BEND6: variants seen among roughly 807,000 people sequenced by gnomAD.
BEND6 encodes BEN domain-containing protein 6.
In BEND6, 24 loss-of-function variants were observed where a neutral mutation model predicts 31.8. The ratio of observed to expected loss-of-function variants is 0.75; its 90% CI spans 0.55 to 1.06. The LOEUF (loss-of-function observed/expected upper bound fraction) is 1.06. BEND6 is among the 50% of genes least tolerant of loss of function. BEND6 has a pLI of 0.00. For missense variants in BEND6, 294 were observed against 327.4 expected (o/e 0.90, Z 0.79); for synonymous variants, 109 against 114.6 (o/e 0.95, Z 0.31).
intron 3 of BEND6, among the ~76,000 whole-genome samples, chr6:57,003,859 A>G (rs1247258476): frequency 6.6e-6 from 1 of 152,374 alleles, no homozygotes; most frequent in Middle Eastern, 3.4e-3. Flanking sequence ...ATTCCTGAAT[A>G]TAAGGTTGGT....
intron 6 of BEND6, among the ~76,000 whole-genome samples, chr6:57,024,368 C>T (rs1425595852): frequency 6.6e-6 from 1 of 152,180 alleles, no homozygotes; most frequent in Non-Finnish European, 1.5e-5. Flanking sequence ...GACTAAAGAG[C>T]TCTCTTTAGA....
chr6:56,997,766 A>T (rs1219479125), intron 3 of BEND6, among the ~76,000 whole-genome samples: 1 of 152,044 alleles, frequency 6.6e-6, no homozygotes, highest in Admixed American at 6.6e-5. Context: ...ATTAGCCAGG[A>T]TGGTCTTGAT....
intron 6 of BEND6, among the ~76,000 whole-genome samples, chr6:57,023,816 T>C (rs562864272): frequency 1.6e-4 from 25 of 152,324 alleles, no homozygotes; most frequent in African/African-American, 5.8e-4. Context: ...GTGTTATTAT[T>C]GATCAGGACT....
At chr6:57,020,614 G>A (rs532400297) in intron 6 of BEND6, among the ~76,000 whole-genome samples, 10 of 151,988 alleles carry the variant, frequency 6.6e-5, no homozygotes, top group Admixed American at 2.0e-4. Flanking sequence ...AGAGACGGGG[G>A]TTTCACCATG....
intron 1 of BEND6, among the ~76,000 whole-genome samples, chr6:56,958,348 C>T (rs1006937158): frequency 6.6e-6 from 1 of 152,094 alleles, no homozygotes; most frequent in Non-Finnish European, 1.5e-5. Context: ...AGTTGTGGCA[C>T]AAGTTCCTAA....
chr6:57,006,966 A>G (rs1827180254), intron 3 of BEND6, among the ~76,000 whole-genome samples: 1 of 152,190 alleles, frequency 6.6e-6, no homozygotes, highest in South Asian at 2.1e-4. Context: ...CACCAAGAAC[A>G]TTCACTGGGG....
chr6:56,981,804 T>G lies in BEND6; in HGVS notation c.-7T>G, dbSNP rs773160067. 6.2e-7 allele frequency: 1 copy of G among 1,611,362 alleles called. No individual in the cohort carries two copies. The highest frequency in any genetic ancestry group is 8.5e-7 in the Non-Finnish European group (1 of 1,178,988). ...TTTCAGAAAACCTTTGATAACTAATTGAGAAAATGCAGAAGATCGTGCAGA... is the reference window on the plus strand; with the variant it reads ...TTTCAGAAAACCTTTGATAACTAATGGAGAAAATGCAGAAGATCGTGCAGA... On this transcript the variant is annotated 5_prime_UTR_variant, in exon 2 of 7. The change creates a new upstream start codon in the 5' untranslated region. Coordinates refer to ENST00000370746, the MANE Select transcript of BEND6 (RefSeq NM_152731.3).
chr6:56,997,639 C>T (rs1384718414), intron 3 of BEND6, among the ~76,000 whole-genome samples: 2 of 152,280 alleles, frequency 1.3e-5, no homozygotes, highest in Non-Finnish European at 2.9e-5. Flanking sequence ...CTGCAAGCTC[C>T]GCCTCCCAGG....
intron 6 of BEND6, among the ~76,000 whole-genome samples, chr6:57,025,379 A>G (rs1827869474): frequency 6.6e-6 from 1 of 152,176 alleles, no homozygotes; most frequent in Non-Finnish European, 1.5e-5. Context: ...TTTGTAATAT[A>G]CCAGTTGATT....
Position 57,015,332 on chromosome 6 carries a change from G to A in BEND6, c.498G>A (p.Glu166=). Residue 166 remains glutamate, a synonymous_variant, in exon 4 of 7, where the codon GAG becomes GAA. Coordinates refer to ENST00000370746, the MANE Select transcript of BEND6 (RefSeq NM_152731.3). ...SSPVSLKPEE[E]HQTDEKQFQI... ...CAGTTTCCTTAAAGCCTGAGGAAGA[G>A]CATCAGACTGATGAGAAACAGGTCA... is the stretch of plus-strand genomic sequence containing the variant. 1.2e-6 allele frequency: 2 copies of A among 1,613,676 alleles called. No individual in the cohort carries two copies. The highest frequency in any genetic ancestry group is 1.7e-6 in the Non-Finnish European group (2 of 1,179,646).
intron 5 of BEND6, among the ~76,000 whole-genome samples, chr6:57,017,871 T>C (rs1216703339): frequency 6.6e-6 from 1 of 152,186 alleles, no homozygotes; most frequent in East Asian, 1.9e-4. Flanking sequence ...ATCCTAGCTC[T>C]ATATATGTCA....
intron 3 of BEND6, among the ~76,000 whole-genome samples, chr6:56,997,842 G>A (rs577268667): frequency 3.5e-4 from 53 of 152,206 alleles, no homozygotes; most frequent in South Asian, 2.5e-3. Flanking sequence ...ATGAGCTACC[G>A]CGCCTGGCCC....
In BEND6 at chr6:57,018,672, A is replaced by AGTCACTAGTATTAGCTTTTCAT. The variant is rs1437317510; in HGVS notation, c.*9+115_*9+116insGTCACTAGTATTAGCTTTTCAT. On this transcript the variant is annotated intron_variant, in intron 6 of 6. Transcript: ENST00000370746. ...TACTAGAAAATACTAGTGACCCATG[A>AGTCACTAGTATTAGCTTTTCAT]AAAGCTAATAGGTATTCCTGGTGGC... is the stretch of plus-strand genomic sequence containing the variant. 32 of 1,086,768 alleles carry AGTCACTAGTATTAGCTTTTCAT rather than the reference A, an allele frequency of 2.9e-5. No homozygotes were observed. In the African/African-American group the frequency reaches 5.0e-4, roughly 17 times the overall value. 67.3% of individuals were successfully genotyped at this position (1,086,768 alleles called of 1,614,324 possible).
chr6:56,965,071 T>G (rs774804989), intron 1 of BEND6, among the ~76,000 whole-genome samples: 6 of 152,244 alleles, frequency 3.9e-5, no homozygotes, highest in Non-Finnish European at 8.8e-5. Flanking sequence ...TCATTTTGAT[T>G]ACGAGTTTAT....
At chr6:56,963,872 ATAC>A (rs1398926451) in intron 1 of BEND6, among the ~76,000 whole-genome samples, 5 of 147,960 alleles carry the variant, frequency 3.4e-5, no homozygotes, top group East Asian at 3.9e-4. Context: ...GTATAATAAA[ATAC>A]TACTATTAAA....
intron 3 of BEND6, among the ~76,000 whole-genome samples, chr6:56,995,701 A>G (rs545260399): frequency 6.6e-6 from 1 of 152,256 alleles, no homozygotes; most frequent in Admixed American, 6.5e-5. Flanking sequence ...TTTTATAAGA[A>G]CACCAGTCGC....
chr6:57,019,018 A>C (rs1462834279), intron 6 of BEND6, among the ~76,000 whole-genome samples: 1 of 152,178 alleles, frequency 6.6e-6, no homozygotes, highest in African/African-American at 2.4e-5. Context: ...ACTTACAGCT[A>C]GCTCTAACAG....
intron 1 of BEND6, among the ~76,000 whole-genome samples, chr6:56,973,951 C>T (rs1825782777): frequency 6.6e-6 from 1 of 152,152 alleles, no homozygotes; most frequent in South Asian, 2.1e-4. Flanking sequence ...TGTGCTTTTG[C>T]CATGTTGTCC....
chr6:56,976,009 G>A (rs188147267), intron 1 of BEND6: 2 of 486,796 alleles, frequency 4.1e-6, no homozygotes, highest in Admixed American at 4.5e-5. Flanking sequence ...GCTTCAGGTT[G>A]GGACATTCAG....
Sources: allele counts gnomAD v4.1 joint callset (sites outside exome capture counted in the v4.1 genomes callset), GRCh38; gene constraint gnomAD v4.1.1; transcripts MANE v1.5; gene names NCBI Gene and HGNC (gene_info 2026-07-23, HGNC 2026-07-21).